Variants in XYLT2 observed in about 807,000 individuals in gnomAD.
The protein encoded by XYLT2 is xylosyltransferase 2, also known as UDP-D-xylose:proteoglycan core protein beta-D-xylosyltransferase.
Under a neutral mutation model 82.6 loss-of-function variants are expected in XYLT2, and 37 were observed. The observed-to-expected ratio is 0.45, with a 90% confidence interval of 0.34 to 0.59. The LOEUF (loss-of-function observed/expected upper bound fraction) is 0.59. Ranked by LOEUF, XYLT2 falls within the 20% of genes least tolerant of loss-of-function variation. The pLI, the probability that XYLT2 is intolerant of heterozygous loss-of-function variation, is 0.01. For missense variants in XYLT2, 934 were observed against 1,181.3 expected (o/e 0.79, Z 3.07); for synonymous variants, 474 against 499.0 (o/e 0.95, Z 0.67).
In XYLT2 at chr17:50,354,851, C is replaced by T. The variant is rs1481845268; in HGVS notation, c.805-3C>T. ...GGCTAGCTGAGTGTCTCCTCCCCAC[C>T]AGCGTTCCGACTACCTGCACCGGGA... On this transcript the variant is annotated splice_region_variant and splice_polypyrimidine_tract_variant and intron_variant, in intron 3 of 10. Transcript: ENST00000017003. 6.2e-7 allele frequency: 1 copy of T among 1,613,264 alleles called. No homozygotes were observed. The highest frequency in any genetic ancestry group is 1.1e-5 in the South Asian group (1 of 91,076).
chr17:50,353,683 CACAG>C lies in XYLT2; in HGVS notation c.194_197del (p.Asp65ValfsTer34), dbSNP rs1567805402. 3 of 1,566,140 alleles carry C rather than the reference CACAG, an allele frequency of 1.9e-6. No homozygotes were observed. The highest frequency in any genetic ancestry group is 1.2e-5 in the South Asian group (1 of 85,432). ...TGGACCCTGGCGAGGGTTCCAAGGA[CACAG>C]ACAGTTCAGCAGGGCGACGGGGCAG... On this transcript the variant is annotated frameshift_variant, in exon 2 of 11. Coordinates refer to ENST00000017003, the MANE Select transcript of XYLT2 (RefSeq NM_022167.4). LOFTEE classifies it high-confidence loss of function.
chr17:50,354,900 A>G lies in XYLT2; in HGVS notation c.851A>G (p.Tyr284Cys), dbSNP rs1912449483. Residue 284 changes from tyrosine to cysteine, a missense_variant, in exon 4 of 11, where the codon TAT becomes TGT. By Grantham distance (194) the Tyr-to-Cys change is radical (BLOSUM62 -2). Coordinates refer to ENST00000017003, the MANE Select transcript of XYLT2 (RefSeq NM_022167.4). Reference protein sequence around the residue: ...HREVVELAQGYDNVRVTPWRM... With the variant: ...HREVVELAQGCDNVRVTPWRM... ...GAGGTGGTGGAGCTGGCCCAGGGCTATGATAACGTGCGGGTGACGCCCTGG... is the reference window on the plus strand; with the variant it reads ...GAGGTGGTGGAGCTGGCCCAGGGCTGTGATAACGTGCGGGTGACGCCCTGG... 1 of 1,611,530 alleles carries G rather than the reference A, an allele frequency of 6.2e-7. No homozygotes were observed. Among genetic ancestry groups the G allele is most frequent in the Non-Finnish European group, 8.5e-7 (1 of 1,178,870 alleles).
At position 50,360,679 on chromosome 17, in the gene XYLT2, G is replaced by C; in HGVS notation, c.*388G>C. ...AGAGCAGCCCCAGGAAGTGGGCCATGTCTGTGGGGAGCAGGGGCTTGCTGA... is the reference window on the plus strand; with the variant it reads ...AGAGCAGCCCCAGGAAGTGGGCCATCTCTGTGGGGAGCAGGGGCTTGCTGA... On this transcript the variant is annotated 3_prime_UTR_variant, in exon 11 of 11. Transcript: ENST00000017003. The C allele has an allele frequency of 1.0e-6, 1 of 1,000,886 alleles. No homozygotes were observed. The highest frequency in any genetic ancestry group is 1.2e-6 in the Non-Finnish European group (1 of 840,784). The allele number at this position is 1,000,886 out of a possible 1,614,324, so 62.0% of individuals were successfully genotyped here.
At chr17:50,355,684 C>A in intron 5 of XYLT2, 97 bp from the exon 6 acceptor site, 1 of 1,581,762 alleles carries the variant, frequency 6.3e-7, no homozygotes. Flanking sequence ...AGCCTCCACA[C>A]CAGTCACAGG....
chr17:50,355,349 G>C, intron 4 of XYLT2, 152 bp from the exon 5 acceptor site: 1 of 826,574 alleles, frequency 1.2e-6, no homozygotes, highest in East Asian at 2.6e-5. Context: ...TTCCTCAGGG[G>C]CCTCTGGTGC....
intron 1 of XYLT2, among the ~76,000 whole-genome samples, chr17:50,351,388 G>A (rs1252487287): frequency 6.6e-6 from 1 of 152,212 alleles, no homozygotes; most frequent in African/African-American, 2.4e-5. Flanking sequence ...TGTAATCCCA[G>A]CACTTTGGGA....
In XYLT2 at chr17:50,356,847, G is replaced by A. The variant is rs951451859; in HGVS notation, c.1745+74G>A. 2.1e-5 allele frequency: 32 copies of A among 1,538,172 alleles called. No individual in the cohort carries two copies. The Admixed American group carries it at 4.2e-4, about 20-fold the overall frequency. On this transcript the variant is annotated intron_variant, in intron 8 of 10. Coordinates refer to ENST00000017003, the MANE Select transcript of XYLT2 (RefSeq NM_022167.4). ...AGGGGGAGGCCAACCAGAGAGTGAC[G>A]TCCCCTGCCCACAACAAGGCCCCAG...
At chr17:50,348,805 T>C (rs1341141450) in intron 1 of XYLT2, among the ~76,000 whole-genome samples, 1 of 152,172 alleles carries the variant, frequency 6.6e-6, no homozygotes, top group Non-Finnish European at 1.5e-5. Context: ...GGAAGGAGCC[T>C]CTGAGGCCAG....
chr17:50,348,673 G>A (rs1313669358), intron 1 of XYLT2, among the ~76,000 whole-genome samples: 2 of 152,214 alleles, frequency 1.3e-5, no homozygotes, highest in African/African-American at 4.8e-5. Flanking sequence ...AGAAGTCAAA[G>A]GAGGTGGGGT....
Position 50,360,280 on chromosome 17 carries a change from C to G in XYLT2, c.2587C>G (p.Arg863Gly), listed in dbSNP as rs762129763. The G allele has an allele frequency of 4.4e-6, 7 of 1,593,144 alleles. No individual in the cohort carries two copies. Among genetic ancestry groups the G allele is most frequent in the Non-Finnish European group, 6.0e-6 (7 of 1,167,664 alleles). Residue 863 changes from arginine to glycine, a missense_variant, in exon 11 of 11, where the codon CGA becomes GGA. Arg to Gly is a moderately radical substitution (Grantham distance 125). Around this residue, in one of 3 missense-constraint regions of XYLT2, gnomAD observed 374 missense variants for 465.6 expected, o/e 0.80. Transcript: ENST00000017003. ...GCTGGGGCCTGTCAAAGCAGACGGGCGACTCAGGTAGCAGGGCCCCAGCCA... is the reference window on the plus strand; with the variant it reads ...GCTGGGGCCTGTCAAAGCAGACGGGGGACTCAGGTAGCAGGGCCCCAGCCA... ...SELGPVKADG[R>G]LR
chr17:50,361,064 ACT>A lies in XYLT2; in HGVS notation c.*777_*778del. ...AGCGTGGGAAGAAGACTCTGTCAAG[ACT>A]CTCAGAAGAACCTGGAGTAATTGTG... On this transcript the variant is annotated 3_prime_UTR_variant, in exon 11 of 11. Coordinates refer to ENST00000017003, the MANE Select transcript of XYLT2 (RefSeq NM_022167.4). 4 of 985,762 alleles carry A rather than the reference ACT, an allele frequency of 4.1e-6. No homozygotes were observed. Among genetic ancestry groups the A allele is most frequent in the Non-Finnish European group, 4.8e-6 (4 of 829,932 alleles). The allele number at this position is 985,762 out of a possible 1,614,324, so 61.1% of individuals were successfully genotyped here. A position where few individuals can be genotyped will look rare whatever the true frequency, so the allele number is the denominator to read the frequency against.
intron 1 of XYLT2, among the ~76,000 whole-genome samples, chr17:50,351,526 C>T (rs769022281): frequency 2.6e-5 from 4 of 151,960 alleles, no homozygotes; most frequent in African/African-American, 2.4e-5. Context: ...CCCAGCCTCT[C>T]GGGAGGCTGA....
chr17:50,352,120 C>T (rs1428419777), intron 1 of XYLT2, among the ~76,000 whole-genome samples: 1 of 152,190 alleles, frequency 6.6e-6, no homozygotes, highest in Non-Finnish European at 1.5e-5. Context: ...GGACTTAGTC[C>T]TGGAGAACTT....
rs978939186 is a variant in XYLT2 at position 50,346,750 on chromosome 17, G to A, written c.135+475G>A. 2 of 985,302 alleles carry A rather than the reference G, an allele frequency of 2.0e-6. No individual in the cohort carries two copies. The highest frequency in any genetic ancestry group is 1.7e-5 in the African/African-American group (1 of 57,240). 61.0% of individuals were successfully genotyped at this position (985,302 alleles called of 1,614,324 possible). On this transcript the variant is annotated intron_variant, in intron 1 of 10. Transcript: ENST00000017003. The surrounding 1 kb of genome is among the most constrained non-coding windows in gnomAD (Gnocchi z 5.1). ...CAGCTGAGCCCGAGGGGCAGCGGCC[G>A]GTGAGGAAGGGGAGCTCGGGGGTGG...
At chr17:50,347,189 C>G (rs1198490371) in intron 1 of XYLT2, among the ~76,000 whole-genome samples, 1 of 152,222 alleles carries the variant, frequency 6.6e-6, no homozygotes. Flanking sequence ...ACAGGCCACA[C>G]CACAGCCCTA....
chr17:50,346,381 C>A lies in XYLT2; in HGVS notation c.135+106C>A. ...GGGGAAGTGGGGCACGGGCCGCGTG[C>A]GTGCGTGCGGGGCGCCGGCGGTCGC... On this transcript the variant is annotated intron_variant, in intron 1 of 10. Transcript: ENST00000017003. The surrounding 1 kb of genome is among the most constrained non-coding windows in gnomAD (Gnocchi z 5.1). 1 of 979,598 alleles carries A rather than the reference C, an allele frequency of 1.0e-6. No homozygotes were observed. Among genetic ancestry groups the A allele is most frequent in the Non-Finnish European group, 1.2e-6 (1 of 824,094 alleles). The allele number at this position is 979,598 out of a possible 1,614,324, so 60.7% of individuals were successfully genotyped here. A position where few individuals can be genotyped will look rare whatever the true frequency, so the allele number is the denominator to read the frequency against.
At chr17:50,348,204 T>C (rs920075896) in intron 1 of XYLT2, among the ~76,000 whole-genome samples, 3 of 152,224 alleles carry the variant, frequency 2.0e-5, no homozygotes, top group Non-Finnish European at 4.4e-5. Context: ...ATGAGGTCTC[T>C]GCCCTCATGG....
In XYLT2 at chr17:50,354,595, G is replaced by A; in HGVS notation, c.804+12G>A. On this transcript the variant is annotated intron_variant, in intron 3 of 10. Transcript: ENST00000017003. ...TCCATGTGGACAAGGTACTGTGGTG[G>A]GGAGAGGCCAAGGGGTCTGGGATGA... 6.3e-7 allele frequency: 1 copy of A among 1,598,538 alleles called. No homozygotes were observed. The highest frequency in any genetic ancestry group is 1.1e-5 in the South Asian group (1 of 90,562).
intron 1 of XYLT2, among the ~76,000 whole-genome samples, chr17:50,349,702 G>C (rs1200811485): frequency 6.6e-6 from 1 of 152,218 alleles, no homozygotes; most frequent in Admixed American, 6.5e-5. Context: ...TGAGGTTCCT[G>C]ATGTGCCCAT....
Sources: gnomAD v4.1 joint callset for allele counts (sites outside exome capture counted in the v4.1 genomes callset) on GRCh38, gnomAD v4.1.1 for gene constraint, gnomAD v4.1.1 regional missense constraint, Gnocchi (gnomAD v3.1) non-coding constraint, MANE v1.5 for transcripts, NCBI Gene and HGNC (gene_info 2026-07-23, HGNC 2026-07-21) for gene names.